The following HPSE2 variants were observed in gnomAD, a reference collection of about 807,000 sequenced individuals.
The protein encoded by HPSE2 is heparanase 2 (inactive), also known as inactive heparanase-2.
HPSE2 carries 38 observed loss-of-function variants against 60.5 expected under a neutral mutation model. The ratio of observed to expected loss-of-function variants is 0.63; its 90% CI spans 0.48 to 0.82. HPSE2 has a LOEUF of 0.82. Among genes scored for constraint, HPSE2 ranks in the 40% least tolerant of loss-of-function variants. The pLI is 0.00. For missense variants in HPSE2, 713 were observed against 740.4 expected, an observed-to-expected ratio of 0.96 and a Z score of 0.43; for synonymous variants, 295 against 293.2, an observed-to-expected ratio of 1.01 and a Z score of -0.06.
intron 3 of HPSE2, among the ~76,000 whole-genome samples, chr10:99,132,616 C>T (rs1259603897): frequency 5.3e-5 from 8 of 151,978 alleles, no homozygotes; most frequent in Admixed American, 2.6e-4. Flanking sequence ...GGTGGGGTGT[C>T]GCCTCACCCA....
the HPSE2 span, among the ~76,000 whole-genome samples, chr10:99,291,447 G>A: frequency 2.0e-5 from 3 of 152,276 alleles, no homozygotes; most frequent in East Asian, 1.9e-4. Context: ...AGCTGGGTAT[G>A]GTGGCACTTG....
intron 9 of HPSE2, among the ~76,000 whole-genome samples, chr10:98,499,256 C>T (rs899965055): frequency 6.6e-6 from 1 of 152,122 alleles, no homozygotes; most frequent in African/African-American, 2.4e-5. Flanking sequence ...GAGACAGAAA[C>T]ACCAGGTAAC....
At chr10:98,701,387 A>G (rs1449186602) in intron 5 of HPSE2, among the ~76,000 whole-genome samples, 6 of 149,906 alleles carry the variant, frequency 4.0e-5, no homozygotes, top group Admixed American at 1.3e-4. Flanking sequence ...AACTATCGCA[A>G]GAACAAAAAA....
rs576482002 is a variant in HPSE2 at position 98,900,689 on chromosome 10, T to C, written c.611-156633A>G. Among the ~76,000 whole-genome samples, 5 of 152,272 alleles carry C rather than the reference T, an allele frequency of 3.3e-5. No individual in the cohort carries two copies. The South Asian group carries it at 1.0e-3, about 32-fold the overall frequency. ...TACATGTTCGTCAAAGTAGATAAAA[T>C]GTAAAATACTAAATATTGATAATAT... On this transcript the variant is annotated intron_variant, in intron 3 of 11. Transcript: ENST00000370552.
At chr10:98,726,770 G>A (rs1424663881) in intron 4 of HPSE2, among the ~76,000 whole-genome samples, 1 of 151,704 alleles carries the variant, frequency 6.6e-6, no homozygotes, top group Non-Finnish European at 1.5e-5. Context: ...TGCTTAGGAG[G>A]GACTACAGGA....
At chr10:99,039,460 T>G (rs1203608730) in intron 3 of HPSE2, among the ~76,000 whole-genome samples, 1 of 151,832 alleles carries the variant, frequency 6.6e-6, no homozygotes, top group Non-Finnish European at 1.5e-5. Context: ...CCATGTAAAA[T>G]CACTATGTAA....
At chr10:98,598,762 G>A (rs1447556340) in intron 9 of HPSE2, among the ~76,000 whole-genome samples, 1 of 151,952 alleles carries the variant, frequency 6.6e-6, no homozygotes, top group African/African-American at 2.4e-5. Flanking sequence ...ACTGGAGTCT[G>A]GTGTCATCAG....
chr10:99,201,091 TGA>T (rs370562991), intron 2 of HPSE2, among the ~76,000 whole-genome samples: 12 of 152,318 alleles, frequency 7.9e-5, no homozygotes, highest in African/African-American at 2.9e-4. Context: ...AAATTAAGTT[TGA>T]GTCATGCCCA....
intron 9 of HPSE2, among the ~76,000 whole-genome samples, chr10:98,612,621 G>A (rs1420598473): frequency 6.6e-6 from 1 of 152,116 alleles, no homozygotes; most frequent in African/African-American, 2.4e-5. Context: ...TTGAATGAGT[G>A]ATGAAAGGAA....
the HPSE2 span, among the ~76,000 whole-genome samples, chr10:99,254,016 C>G: frequency 6.6e-6 from 1 of 152,152 alleles, no homozygotes; most frequent in Non-Finnish European, 1.5e-5. Flanking sequence ...TTGGAGATTT[C>G]TCAAATAACT....
At chr10:99,139,389 T>A (rs1009997862) in intron 3 of HPSE2, among the ~76,000 whole-genome samples, 4 of 152,100 alleles carry the variant, frequency 2.6e-5, no homozygotes, top group African/African-American at 4.8e-5. Flanking sequence ...CACTATACAA[T>A]TCATCCATAA....
At chr10:98,852,113 A>ATATGTGTGTGTGTGTGTG (rs779720749) in intron 3 of HPSE2, among the ~76,000 whole-genome samples, 17 of 91,946 alleles carry the variant, frequency 1.8e-4, no homozygotes, top group East Asian at 1.1e-3. Flanking sequence ...GTATATTATG[A>ATATGTGTGTGTGTGTGTG]TGTGTGTGTG....
chr10:98,478,467 C>A (rs183778588), intron 11 of HPSE2, among the ~76,000 whole-genome samples: 1 of 152,116 alleles, frequency 6.6e-6, no homozygotes, highest in Non-Finnish European at 1.5e-5. Context: ...TCTTGTCCAA[C>A]CCCCGACTGA....
At chr10:99,130,752 G>C (rs1410585458) in intron 3 of HPSE2, among the ~76,000 whole-genome samples, 1 of 152,200 alleles carries the variant, frequency 6.6e-6, no homozygotes, top group Non-Finnish European at 1.5e-5. Context: ...ACTATTACAA[G>C]GTGACAGACC....
At chr10:98,704,631 G>A (rs1026885141) in intron 5 of HPSE2, among the ~76,000 whole-genome samples, 3 of 152,056 alleles carry the variant, frequency 2.0e-5, no homozygotes, top group African/African-American at 7.2e-5. Context: ...TCTGATCTTC[G>A]ACAAACTGGA....
chr10:98,549,655 T>C (rs1292291299), intron 9 of HPSE2, among the ~76,000 whole-genome samples: 2 of 152,208 alleles, frequency 1.3e-5, no homozygotes, highest in Non-Finnish European at 2.9e-5. Context: ...TTCTTTTTCA[T>C]CACTAGTAGA....
chr10:99,225,376 C>T (rs1446287403), intron 2 of HPSE2, among the ~76,000 whole-genome samples: 1 of 151,992 alleles, frequency 6.6e-6, no homozygotes, highest in Non-Finnish European at 1.5e-5. Flanking sequence ...CATTAATCTT[C>T]CCAGCTTCAG....
chr10:99,087,605 A>G (rs945316696), intron 3 of HPSE2, among the ~76,000 whole-genome samples: 3 of 152,214 alleles, frequency 2.0e-5, no homozygotes, highest in Non-Finnish European at 4.4e-5. Flanking sequence ...GAAAAGCTAC[A>G]TGCGTAACCG....
the HPSE2 span, among the ~76,000 whole-genome samples, chr10:99,299,175 C>T: frequency 1.4e-4 from 22 of 152,218 alleles, no homozygotes; most frequent in Admixed American, 1.2e-3. Flanking sequence ...CCCACTAGTT[C>T]TCTAGTGCAG....
Sources: allele counts gnomAD v4.1 joint callset (sites outside exome capture counted in the v4.1 genomes callset), GRCh38; gene constraint gnomAD v4.1.1; transcripts MANE v1.5; gene names NCBI Gene and HGNC (gene_info 2026-07-23, HGNC 2026-07-21).